PHAF1: variants seen among roughly 807,000 people sequenced by gnomAD.
The protein encoded by PHAF1 is phagosome assembly factor 1.
In PHAF1, 23 loss-of-function variants were observed where a neutral mutation model predicts 63.1. The ratio of observed to expected loss-of-function variants is 0.36; its 90% CI spans 0.26 to 0.52. The LOEUF (loss-of-function observed/expected upper bound fraction) is 0.52. Among genes scored for constraint, PHAF1 ranks in the 20% least tolerant of loss-of-function variants. The pLI, the probability that PHAF1 is intolerant of heterozygous loss-of-function variation, is 0.93. For missense variants in PHAF1, 427 were observed against 517.2 expected (o/e 0.83, Z 1.69); for synonymous variants, 167 against 185.0 (o/e 0.90, Z 0.79).
chr16:67,145,424 G>A lies in PHAF1; in HGVS notation c.1050+5G>A. 1 of 1,614,164 alleles carries A rather than the reference G, an allele frequency of 6.2e-7. No homozygotes were observed. The highest frequency in any genetic ancestry group is 8.5e-7 in the Non-Finnish European group (1 of 1,180,012). ...ACATGCACGACCTACAGCAAGGTGA[G>A]CACCTATCTTCCTACCTGGCATAGC... On this transcript the variant is annotated splice_donor_5th_base_variant and intron_variant, in intron 13 of 15. Transcript: ENST00000219139.
intron 8 of PHAF1, among the ~76,000 whole-genome samples, chr16:67,139,343 CTTTTTTTTTTT>C (rs1164245105): frequency 2.3e-5 from 2 of 86,870 alleles, no homozygotes; most frequent in Non-Finnish European, 4.1e-5. Context: ...ACAGCACTGC[CTTTTTTTTTTT>C]TTTTTTTTTT....
rs553425643 is a variant in PHAF1 at position 67,146,335 on chromosome 16, G to A, written c.1167G>A (p.Gln389=). 3.1e-6 allele frequency: 5 copies of A among 1,614,130 alleles called. No individual in the cohort carries two copies. The South Asian group carries it at 4.4e-5, about 14-fold the overall frequency. The change falls in exon 15 of 16, where the codon CAG becomes CAA. Residue 389 remains glutamine, a synonymous_variant. Coordinates refer to ENST00000219139, the MANE Select transcript of PHAF1 (RefSeq NM_025187.5). ...PFGSTFCFGL[Q]RMIFEVMQNN... ...GTTCCACATTCTGCTTTGGTCTTCA[G>A]CGAATGATCTTTGAGGTAAGCTGTG...
At chr16:67,146,940 GC>G (rs1233973825) in intron 15 of PHAF1, 104 bp from the exon 16 acceptor site, 1 of 1,062,214 alleles carries the variant, frequency 9.4e-7, no homozygotes, top group Non-Finnish European at 1.4e-6. Context: ...GGGAAACCCA[GC>G]CATTAGGTGC....
intron 12 of PHAF1, among the ~76,000 whole-genome samples, chr16:67,145,144 C>T (rs1056677217): frequency 2.0e-5 from 3 of 152,108 alleles, no homozygotes; most frequent in African/African-American, 7.2e-5. Flanking sequence ...CAGGGGGCCC[C>T]AGCCCATCCT....
At chr16:67,145,542 C>G (rs745931303) in intron 13 of PHAF1, 28 bp from the exon 14 acceptor site, 5 of 1,613,754 alleles carry the variant, frequency 3.1e-6, no homozygotes, top group Non-Finnish European at 4.2e-6. Context: ...TCCCTACTAA[C>G]CCCTGCTCCC....
intron 3 of PHAF1, among the ~76,000 whole-genome samples, chr16:67,128,739 C>T (rs533442958): frequency 5.3e-4 from 81 of 152,324 alleles, no homozygotes; most frequent in African/African-American, 1.8e-3. Flanking sequence ...GAGATGAAAT[C>T]TGCTTATTGA....
chr16:67,131,647 A>T (rs1266424330), intron 4 of PHAF1, among the ~76,000 whole-genome samples: 1 of 152,184 alleles, frequency 6.6e-6, no homozygotes, highest in Non-Finnish European at 1.5e-5. Flanking sequence ...CTCTCTTGGC[A>T]CCTCTTTTCA....
intron 1 of PHAF1, among the ~76,000 whole-genome samples, chr16:67,118,331 CTTTTTTTTTTTT>C (rs1054550338): frequency 1.4e-4 from 11 of 76,554 alleles, no homozygotes; most frequent in Admixed American, 3.5e-4. Flanking sequence ...GCCCCTGTTG[CTTTTTTTTTTTT>C]TTTTTTTTTT....
chr16:67,147,102 A>G lies in PHAF1; in HGVS notation c.1240A>G (p.Ser414Gly). The G allele has an allele frequency of 6.2e-7, 1 of 1,613,774 alleles. No homozygotes were observed. The highest frequency in any genetic ancestry group is 8.5e-7 in the Non-Finnish European group (1 of 1,179,798). The change falls in exon 16 of 16, where the codon AGC (serine) becomes GGC (glycine). Residue 414 changes from serine to glycine, a missense_variant. Ser to Gly is a moderately conservative substitution (Grantham distance 56). Coordinates refer to ENST00000219139, the MANE Select transcript of PHAF1 (RefSeq NM_025187.5). ...CCTGTATGGCCCCCCCAGGCCTGGT[A>G]GCCACCTGAGAACAGCGGAACTCCC... is the stretch of plus-strand genomic sequence containing the variant. Reference protein sequence around the residue: ...VTLYGPPRPGSHLRTAELP With the variant: ...VTLYGPPRPGGHLRTAELP
chr16:67,140,229 G>A, intron 9 of PHAF1, 112 bp downstream of exon 9: 10 of 1,349,384 alleles, frequency 7.4e-6, no homozygotes. Flanking sequence ...AAAGCTAATG[G>A]TAAAGTAAAT....
At chr16:67,128,237 A>C (rs1030471020) in intron 3 of PHAF1, among the ~76,000 whole-genome samples, 1 of 152,204 alleles carries the variant, frequency 6.6e-6, no homozygotes, top group African/African-American at 2.4e-5. Flanking sequence ...TGGATCTGGG[A>C]AATAAATAAG....
At chr16:67,140,909 A>G (rs1467134372) in intron 10 of PHAF1, among the ~76,000 whole-genome samples, 2 of 152,212 alleles carry the variant, frequency 1.3e-5, no homozygotes, top group Admixed American at 6.5e-5. Flanking sequence ...TTTGTAAAGC[A>G]TAGGACCCTC....
At chr16:67,115,827 C>T (rs1962711650) in intron 1 of PHAF1, among the ~76,000 whole-genome samples, 1 of 152,078 alleles carries the variant, frequency 6.6e-6, no homozygotes, top group South Asian at 2.1e-4. Context: ...GCTGAGACAT[C>T]CTTTGATGTG....
chr16:67,146,222 T>A, intron 14 of PHAF1, 56 bp from the exon 15 acceptor site: 1 of 1,507,890 alleles, frequency 6.6e-7, no homozygotes. Context: ...CTGGATCCCT[T>A]GCTTTAAGGC....
At chr16:67,117,746 C>T (rs1472606738) in intron 1 of PHAF1, among the ~76,000 whole-genome samples, 2 of 148,170 alleles carry the variant, frequency 1.3e-5, no homozygotes, top group East Asian at 4.1e-4. Context: ...GACAACAGAG[C>T]GAGACTTCAG....
At chr16:67,129,704 AC>A (rs1237830630) in intron 3 of PHAF1, among the ~76,000 whole-genome samples, 1 of 152,204 alleles carries the variant, frequency 6.6e-6, no homozygotes, top group Non-Finnish European at 1.5e-5. Flanking sequence ...CCGAGCCCCT[AC>A]CTGTGCTGCT....
intron 2 of PHAF1, among the ~76,000 whole-genome samples, chr16:67,121,622 G>A (rs892640914): frequency 2.8e-4 from 41 of 146,596 alleles, no homozygotes; most frequent in African/African-American, 8.9e-4. Context: ...CTGTTGTTGC[G>A]CAAACTGGAG....
intron 8 of PHAF1, among the ~76,000 whole-genome samples, chr16:67,136,962 C>G (rs1490313068): frequency 6.6e-6 from 1 of 152,078 alleles, no homozygotes. Flanking sequence ...TGAGACCATC[C>G]TGACTAACGG....
chr16:67,120,489 G>A (rs1260107878), intron 2 of PHAF1, among the ~76,000 whole-genome samples: 5 of 151,740 alleles, frequency 3.3e-5, no homozygotes, highest in Non-Finnish European at 7.4e-5. Context: ...TTCAGAGGCT[G>A]TCTCTGGTCT....
Sources: allele counts gnomAD v4.1 joint callset (sites outside exome capture counted in the v4.1 genomes callset), GRCh38; gene constraint gnomAD v4.1.1; transcripts MANE v1.5; gene names NCBI Gene and HGNC (gene_info 2026-07-23, HGNC 2026-07-21).